The following TYR variants were observed in gnomAD, a reference collection of about 807,000 sequenced individuals.
TYR encodes the protein LB24-AB.
TYR carries 58 observed loss-of-function variants against 51.5 expected under a neutral mutation model. The observed-to-expected ratio is 1.13, with a 90% CI of 0.91 to 1.40. The LOEUF is 1.40. TYR is among the 40% of genes most tolerant of loss of function. The probability of loss-of-function intolerance (pLI) is 0.00; values close to 1 mark genes in which losing one functional copy is unlikely to be tolerated. For missense variants in TYR, 732 were observed against 647.4 expected, an observed-to-expected ratio of 1.13 and a Z score of -1.42; for synonymous variants, 263 against 235.2, an observed-to-expected ratio of 1.12 and a Z score of -1.08.
chr11:89,192,936 T>C (rs892295132), intron 2 of TYR, among the ~76,000 whole-genome samples: 1 of 152,168 alleles, frequency 6.6e-6, no homozygotes, highest in African/African-American at 2.4e-5. Context: ...CTTTATCAAG[T>C]ACCAAAGTCC....
intron 2 of TYR, among the ~76,000 whole-genome samples, chr11:89,221,619 A>G (rs927352526): frequency 6.6e-6 from 1 of 152,202 alleles, no homozygotes; most frequent in African/African-American, 2.4e-5. Context: ...ACCATTGTGC[A>G]TAACCTTTTG....
intron 2 of TYR, among the ~76,000 whole-genome samples, chr11:89,196,748 T>C (rs1038338494): frequency 6.6e-6 from 1 of 152,168 alleles, no homozygotes; most frequent in African/African-American, 2.4e-5. Flanking sequence ...TCCCACACTA[T>C]GCTAAGATGC....
intron 3 of TYR, among the ~76,000 whole-genome samples, chr11:89,281,325 A>C (rs974057682): frequency 1.5e-4 from 23 of 151,634 alleles, no homozygotes; most frequent in Non-Finnish European, 1.0e-4. Flanking sequence ...TGATATGGAG[A>C]ATGTCCTGGG....
intron 3 of TYR, among the ~76,000 whole-genome samples, chr11:89,267,435 A>C (rs1358679584): frequency 6.6e-6 from 1 of 151,994 alleles, no homozygotes; most frequent in African/African-American, 2.4e-5. Context: ...TTCTTCCCTG[A>C]AAATTCCTTA....
chr11:89,228,662 T>C (rs1808345629), intron 3 of TYR, among the ~76,000 whole-genome samples: 2 of 152,170 alleles, frequency 1.3e-5, no homozygotes, highest in African/African-American at 4.8e-5. Context: ...CTGGCCTGAA[T>C]AGTATATGAT....
chr11:89,191,308 C>A lies in TYR; in HGVS notation c.926C>A (p.Thr309Asn), dbSNP rs770725604. 1 of 1,613,592 alleles carries A rather than the reference C, an allele frequency of 6.2e-7. No homozygotes were observed. The highest frequency in any genetic ancestry group is 8.5e-7 in the Non-Finnish European group (1 of 1,179,790). ...CCTGGAAACCATGACAAATCCAGAA[C>A]CCCAAGGCTCCCCTCTTCAGCTGAT... Reference protein sequence around the residue: ...RNPGNHDKSRTPRLPSSADVE... With the variant: ...RNPGNHDKSRNPRLPSSADVE... Residue 309 changes from threonine to asparagine, a missense_variant, in exon 2 of 5, where the codon ACC becomes AAC. Coordinates refer to ENST00000263321, the MANE Select transcript of TYR (RefSeq NM_000372.5).
Position 89,295,647 on chromosome 11 carries a change from T to G in TYR, c.*281T>G, listed in dbSNP as rs1359970000. The G allele has an allele frequency of 5.4e-6, 2 of 369,868 alleles. No homozygotes were observed. Among genetic ancestry groups the G allele is most frequent in the East Asian group, 1.2e-4 (2 of 17,336 alleles). 22.9% of individuals were successfully genotyped at this position (369,868 alleles called of 1,614,324 possible). On this transcript the variant is annotated 3_prime_UTR_variant, in exon 5 of 5. Transcript: ENST00000263321. Reference sequence around the variant, plus strand: ...ACTGTTATTTGTATGTGAATTAAAGTGCTCTTATTTTAAAAAATTGAAATA... The same window carrying G: ...ACTGTTATTTGTATGTGAATTAAAGGGCTCTTATTTTAAAAAATTGAAATA...
rs1364530074 is a variant in TYR at position 89,234,736 on chromosome 11, C to T, written c.1184+6766C>T. ...CACATGCATTTATTAATTAAAGTCA[C>T]CTTTTTAACATTGGCACTGTTTGTG... On this transcript the variant is annotated intron_variant, in intron 3 of 4. Coordinates refer to ENST00000263321, the MANE Select transcript of TYR (RefSeq NM_000372.5). Among the ~76,000 whole-genome samples the T allele has an allele frequency of 2.8e-5, 3 of 105,986 alleles. 1 individual carries two copies. Among genetic ancestry groups the T allele is most frequent in the Non-Finnish European group, 5.6e-5 (3 of 53,928 alleles). 69.5% of individuals were successfully genotyped at this position (105,986 alleles called of 152,430 possible).
chr11:89,271,512 C>A (rs1365054627), intron 3 of TYR, among the ~76,000 whole-genome samples: 1 of 151,874 alleles, frequency 6.6e-6, no homozygotes, highest in Non-Finnish European at 1.5e-5. Flanking sequence ...TCTGAACCTT[C>A]AGCAAGTTGT....
At chr11:89,289,504 T>C (rs1314560452) in intron 4 of TYR, among the ~76,000 whole-genome samples, 1 of 151,938 alleles carries the variant, frequency 6.6e-6, no homozygotes, top group Non-Finnish European at 1.5e-5. Context: ...TTCTCCATGA[T>C]GCCTTTCTAT....
At chr11:89,185,087 T>C (rs1015458833) in intron 1 of TYR, among the ~76,000 whole-genome samples, 1 of 152,192 alleles carries the variant, frequency 6.6e-6, no homozygotes, top group African/African-American at 2.4e-5. Context: ...CAAATTATTA[T>C]TCTATACGTC....
intron 3 of TYR, among the ~76,000 whole-genome samples, chr11:89,239,972 T>A (rs1450872256): frequency 6.6e-6 from 1 of 152,212 alleles, no homozygotes; most frequent in Non-Finnish European, 1.5e-5. Flanking sequence ...TCTATCCTTA[T>A]GATAAACCAT....
At chr11:89,290,289 T>C (rs532594780) in intron 4 of TYR, among the ~76,000 whole-genome samples, 1 of 152,090 alleles carries the variant, frequency 6.6e-6, no homozygotes, top group South Asian at 2.1e-4. Flanking sequence ...GAAATAAAAG[T>C]ATCTCAAAGA....
intron 4 of TYR, among the ~76,000 whole-genome samples, chr11:89,287,122 A>T (rs1944798214): frequency 6.6e-6 from 1 of 151,760 alleles, no homozygotes; most frequent in Non-Finnish European, 1.5e-5. Context: ...CTGTGTATGA[A>T]TCTGTCCTGG....
At chr11:89,189,479 T>C (rs1943415177) in intron 1 of TYR, among the ~76,000 whole-genome samples, 1 of 152,000 alleles carries the variant, frequency 6.6e-6, no homozygotes, top group African/African-American at 2.4e-5. Flanking sequence ...TAGGATATTT[T>C]ATGAACAAAA....
chr11:89,220,009 A>C (rs1943886466), intron 2 of TYR, among the ~76,000 whole-genome samples: 1 of 152,202 alleles, frequency 6.6e-6, no homozygotes, highest in Non-Finnish European at 1.5e-5. Flanking sequence ...ATATCAACTG[A>C]AAGAATGTAA....
At chr11:89,217,727 C>T (rs752715850) in intron 2 of TYR, among the ~76,000 whole-genome samples, 4 of 152,280 alleles carry the variant, frequency 2.6e-5, no homozygotes, top group South Asian at 4.1e-4. Flanking sequence ...CCTGGGCTGG[C>T]CTGCCTCATT....
intron 4 of TYR, among the ~76,000 whole-genome samples, chr11:89,285,522 A>G (rs1944774833): frequency 1.3e-5 from 2 of 151,944 alleles, no homozygotes; most frequent in Admixed American, 6.6e-5. Flanking sequence ...CGATAGTAAT[A>G]TAAAACCCCA....
intron 3 of TYR, among the ~76,000 whole-genome samples, chr11:89,282,574 A>C (rs572595869): frequency 1.3e-5 from 2 of 151,918 alleles, no homozygotes; most frequent in South Asian, 4.1e-4. Context: ...TTTACATAAC[A>C]AACAAGTACT....
Sources: allele counts gnomAD v4.1 joint callset (sites outside exome capture counted in the v4.1 genomes callset), GRCh38; gene constraint gnomAD v4.1.1; transcripts MANE v1.5; gene names NCBI Gene and HGNC (gene_info 2026-07-23, HGNC 2026-07-21).